The following POLK variants were observed in gnomAD, a reference collection of about 807,000 sequenced individuals.
The protein encoded by POLK is polymerase (DNA directed) kappa.
A neutral mutation model predicts 94.0 loss-of-function variants in POLK; 76 were observed. The observed-to-expected ratio is 0.81, with a 90% CI of 0.67 to 0.98. The LOEUF (loss-of-function observed/expected upper bound fraction) is 0.98. POLK is among the 50% of genes least tolerant of loss of function. POLK has a pLI of 0.00. For synonymous variants in POLK, 349 were observed against 325.4 expected (o/e 1.07, Z -0.78); for missense variants, 954 against 1,010.1 (o/e 0.94, Z 0.75).
chr5:75,550,806 A>G (rs1169713974), intron 2 of POLK, among the ~76,000 whole-genome samples: 1 of 152,202 alleles, frequency 6.6e-6, no homozygotes, highest in African/African-American at 2.4e-5. Context: ...TGTACATCAT[A>G]CTTTATGGTG....
chr5:75,568,492 A>C (rs1771404598), intron 3 of POLK, among the ~76,000 whole-genome samples: 1 of 152,088 alleles, frequency 6.6e-6, no homozygotes, highest in Admixed American at 6.5e-5. Flanking sequence ...CACTTTTCTT[A>C]CTTGCTTCCT....
At chr5:75,569,272 ATGT>A in intron 3 of POLK, 65 bp from the exon 4 acceptor site, 1 of 1,022,984 alleles carries the variant, frequency 9.8e-7, no homozygotes, top group Non-Finnish European at 1.4e-6. Flanking sequence ...ATTAAGATTA[ATGT>A]TGTGGTTAAT....
chr5:75,567,407 A>T (rs1771337563), intron 3 of POLK, among the ~76,000 whole-genome samples: 1 of 152,192 alleles, frequency 6.6e-6, no homozygotes. Context: ...TGAGGTACTA[A>T]AAGAAGTAGG....
intron 11 of POLK, among the ~76,000 whole-genome samples, chr5:75,593,359 T>C (rs1772890470): frequency 6.6e-6 from 1 of 152,184 alleles, no homozygotes; most frequent in South Asian, 2.1e-4. Context: ...CTTGAACTCC[T>C]GACCTCGTGA....
At chr5:75,604,582 G>A (rs1773376250), downstream of POLK, among the ~76,000 whole-genome samples, 1 of 152,134 alleles carries the variant, frequency 6.6e-6, no homozygotes, top group Non-Finnish European at 1.5e-5. Context: ...TTGCTATGTG[G>A]CCTAGATTGG....
chr5:75,586,074 C>A (rs1287622555), intron 9 of POLK, among the ~76,000 whole-genome samples: 1 of 151,968 alleles, frequency 6.6e-6, no homozygotes, highest in Non-Finnish European at 1.5e-5. Flanking sequence ...ATTTTTAATC[C>A]AAAAATTTTT....
intron 1 of POLK, among the ~76,000 whole-genome samples, chr5:75,526,071 T>C (rs930958823): frequency 2.6e-5 from 4 of 152,152 alleles, no homozygotes; most frequent in Non-Finnish European, 5.9e-5. Flanking sequence ...TTGGAAAACA[T>C]TAGTTACCAT....
chr5:75,522,433 G>T (rs1768631571), intron 1 of POLK, among the ~76,000 whole-genome samples: 1 of 152,124 alleles, frequency 6.6e-6, no homozygotes. Context: ...TCTAGTGAGG[G>T]AATGAAGCCA....
At chr5:75,520,745 A>G (rs1561329343) in intron 1 of POLK, among the ~76,000 whole-genome samples, 1 of 151,594 alleles carries the variant, frequency 6.6e-6, no homozygotes. Context: ...CTTTTTGCAC[A>G]TTTTTTTTCT....
At chr5:75,591,240 A>T (rs1309481393) in intron 11 of POLK, among the ~76,000 whole-genome samples, 3 of 152,174 alleles carry the variant, frequency 2.0e-5, no homozygotes, top group South Asian at 4.1e-4. Context: ...ATCTTTACAA[A>T]GATCAAAACT....
chr5:75,529,020 G>A (rs780460445), intron 1 of POLK, among the ~76,000 whole-genome samples: 2 of 152,108 alleles, frequency 1.3e-5, no homozygotes, highest in Admixed American at 6.5e-5. Flanking sequence ...GTATTCCATA[G>A]ACTTTAAATC....
At chr5:75,568,768 C>T in intron 3 of POLK, 1 of 309,712 alleles carries the variant, frequency 3.2e-6, no homozygotes, top group South Asian at 2.6e-5. Flanking sequence ...TCCTGTTCAG[C>T]ATAAACATCA....
At chr5:75,554,466 T>TTA (rs1229882561) in intron 3 of POLK, among the ~76,000 whole-genome samples, 38 of 151,392 alleles carry the variant, frequency 2.5e-4, no homozygotes, top group Non-Finnish European at 3.2e-4. Context: ...TAAAAAAAGA[T>TTA]TATATATATA....
In POLK at chr5:75,544,856, G is replaced by A. The variant is rs5744577; in HGVS notation, c.-13-2154G>A. On this transcript the variant is annotated intron_variant, in intron 1 of 14. Coordinates refer to ENST00000241436, the Ensembl canonical transcript of POLK. Reference sequence around the variant, plus strand: ...AATGAAGCGTAAGGCAAAATATAGAGTAATTTTAGCTCAGTGTGATAGTCG... The same window carrying A: ...AATGAAGCGTAAGGCAAAATATAGAATAATTTTAGCTCAGTGTGATAGTCG... Among the ~76,000 whole-genome samples the A allele has an allele frequency of 2.4e-3, 359 of 152,278 alleles. 3 individuals carry two copies. Among genetic ancestry groups the A allele is most frequent in the Non-Finnish European group, 4.2e-3 (287 of 68,030 alleles).
At chr5:75,589,455 T>G (rs946534354) in intron 10 of POLK, among the ~76,000 whole-genome samples, 15 of 148,694 alleles carry the variant, frequency 1.0e-4, no homozygotes, top group South Asian at 8.4e-4. Flanking sequence ...TATTTCTTTT[T>G]TTTGTTTGTT....
At chr5:75,563,701 T>G (rs1399004957) in intron 3 of POLK, among the ~76,000 whole-genome samples, 1 of 152,176 alleles carries the variant, frequency 6.6e-6, no homozygotes, top group African/African-American at 2.4e-5. Context: ...CACGTAGTTG[T>G]GCAATTTTGA....
At chr5:75,587,478 A>C (rs1167854998) in intron 10 of POLK, among the ~76,000 whole-genome samples, 1 of 152,246 alleles carries the variant, frequency 6.6e-6, no homozygotes, top group Non-Finnish European at 1.5e-5. Context: ...AGAGAGCTTA[A>C]AGATGATCTA....
rs564826548 is a variant in POLK at position 75,542,054 on chromosome 5, G to A, written c.-13-4956G>A. On this transcript the variant is annotated intron_variant, in intron 1 of 14. Transcript: ENST00000241436. ...AGTAATATCCCTAATTCAATTCATTGTATTTAAATTTATAGAGAATAACGA... is the reference window on the plus strand; with the variant it reads ...AGTAATATCCCTAATTCAATTCATTATATTTAAATTTATAGAGAATAACGA... Among the ~76,000 whole-genome samples, 5 of 152,168 alleles carry A rather than the reference G, an allele frequency of 3.3e-5. No individual in the cohort carries two copies. In the South Asian group the frequency reaches 1.0e-3, roughly 32 times the overall value.
intron 5 of POLK, among the ~76,000 whole-genome samples, chr5:75,576,334 C>T (rs952366726): frequency 1.3e-5 from 2 of 151,996 alleles, no homozygotes; most frequent in Non-Finnish European, 2.9e-5. Flanking sequence ...AACATAGTAC[C>T]TTTATATAAG....
Sources: gnomAD v4.1 joint callset for allele counts (sites outside exome capture counted in the v4.1 genomes callset) on GRCh38, gnomAD v4.1.1 for gene constraint, MANE v1.5 for transcripts, NCBI Gene and HGNC (gene_info 2026-07-23, HGNC 2026-07-21) for gene names.